Variants in FAM221B observed in about 807,000 individuals in gnomAD.
The protein encoded by FAM221B is protein FAM221B.
FAM221B carries 35 observed loss-of-function variants against 39.8 expected under a neutral mutation model. That is an observed-to-expected ratio of 0.88 (90% CI 0.67 to 1.17). The LOEUF is 1.17. FAM221B is among the 50% of genes most tolerant of loss of function. The pLI, the probability that FAM221B is intolerant of heterozygous loss-of-function variation, is 0.00. For missense variants in FAM221B, 479 were observed against 503.1 expected (o/e 0.95, Z 0.46); for synonymous variants, 158 against 178.1 (o/e 0.89, Z 0.90).
At chr9:35,821,230 G>A (rs1409621816) in intron 3 of FAM221B, among the ~76,000 whole-genome samples, 2 of 152,182 alleles carry the variant, frequency 1.3e-5, no homozygotes, top group African/African-American at 4.8e-5. Flanking sequence ...CCTAGCACAA[G>A]GCCTGGCACA....
intron 6 of FAM221B, 121 bp from the exon 7 acceptor site, chr9:35,818,627 G>T: frequency 9.1e-7 from 1 of 1,093,890 alleles, no homozygotes; most frequent in Non-Finnish European, 1.4e-6. Flanking sequence ...GAAGGCCAGA[G>T]GGCCCCTGTA....
intron 1 of FAM221B, among the ~76,000 whole-genome samples, chr9:35,827,392 T>C (rs1829411152): frequency 6.6e-6 from 1 of 152,196 alleles, no homozygotes; most frequent in South Asian, 2.1e-4. Context: ...ACTTATACTT[T>C]TACAATGAGC....
At chr9:35,821,350 A>G (rs1444900799) in intron 3 of FAM221B, 21 of 987,504 alleles carry the variant, frequency 2.1e-5, no homozygotes, top group Non-Finnish European at 3.0e-5. Context: ...CATAACATGA[A>G]TAAGGAGAGT....
intron 3 of FAM221B, among the ~76,000 whole-genome samples, chr9:35,824,704 C>G: frequency 7.1e-6 from 1 of 141,756 alleles, no homozygotes; most frequent in Non-Finnish European, 1.5e-5. Context: ...TTTTTTGAGA[C>G]GGAGTCTCGC....
chr9:35,820,748 G>C (rs1252350550), intron 3 of FAM221B, among the ~76,000 whole-genome samples: 4 of 152,208 alleles, frequency 2.6e-5, no homozygotes, highest in African/African-American at 9.6e-5. Flanking sequence ...GGAAAGGAAA[G>C]TGAGGCTAAG....
In FAM221B at chr9:35,825,811, A is replaced by G. The variant is rs1356683228; in HGVS notation, c.351T>C (p.Cys117=). ...CCTTCAGAGTATCAGAAGAAGACAGACAGACATAGTCTCGTGATTGGGGAG... is the reference window on the plus strand; with the variant it reads ...CCTTCAGAGTATCAGAAGAAGACAGGCAGACATAGTCTCGTGATTGGGGAG... The part of the protein sequence containing the change: ...TLPPQSRDYV[C]LSSSDTLKED... The change falls in exon 2 of 7, where the codon TGT becomes TGC. Residue 117 remains cysteine (C), a synonymous_variant. Transcript: ENST00000423537. This position sits in a 1 kb window ranked among gnomAD's most constrained non-coding sequence, Gnocchi z 4.2. 16 of 1,614,208 alleles carry G rather than the reference A, an allele frequency of 9.9e-6. No individual in the cohort carries two copies. The highest frequency in any genetic ancestry group is 1.1e-5 in the Non-Finnish European group (13 of 1,180,032).
At chr9:35,822,086 C>G (rs1829163870) in intron 3 of FAM221B, among the ~76,000 whole-genome samples, 1 of 152,204 alleles carries the variant, frequency 6.6e-6, no homozygotes, top group South Asian at 2.1e-4. Flanking sequence ...GCCTAGCCCT[C>G]TCTCCTGAGC....
In FAM221B at chr9:35,818,435, A is replaced by G. The variant is rs372748150; in HGVS notation, c.*34T>C. 373 of 1,550,108 alleles carry G rather than the reference A, an allele frequency of 2.4e-4. 1 individual carries two copies. Among genetic ancestry groups the G allele is most frequent in the Middle Eastern group, 3.3e-4 (2 of 6,014 alleles). ...CCATATAGAGCCAAGTCAGGTTCCA[A>G]TGACTCCTCTTTTATTGCTGATCTG... On this transcript the variant is annotated 3_prime_UTR_variant, in exon 7 of 7. Coordinates refer to ENST00000423537, the MANE Select transcript of FAM221B (RefSeq NM_001012446.4).
chr9:35,823,782 A>G (rs1829208231), intron 3 of FAM221B, among the ~76,000 whole-genome samples: 1 of 151,994 alleles, frequency 6.6e-6, no homozygotes, highest in Admixed American at 6.6e-5. Context: ...TGCCCACCTC[A>G]GCCTACTAAG....
Position 35,825,993 on chromosome 9 carries a change from G to A in FAM221B, c.169C>T (p.Pro57Ser), listed in dbSNP as rs768943210. ...TPLEPHTSES[P>S]LVPSPSQIPL... ...ATCTGGGAAGGGGATGGCACCAAAGGGGATTCAGAGGTATGGGGCTCTAAC... is the reference window on the plus strand; with the variant it reads ...ATCTGGGAAGGGGATGGCACCAAAGAGGATTCAGAGGTATGGGGCTCTAAC... Residue 57 changes from proline (P) to serine (S), a missense_variant, in exon 2 of 7, where the codon CCT (proline) becomes TCT (serine). Transcript: ENST00000423537. This position sits in a 1 kb window ranked among gnomAD's most constrained non-coding sequence, Gnocchi z 4.2. 1 of 1,614,114 alleles carries A rather than the reference G, an allele frequency of 6.2e-7. No homozygotes were observed. Among genetic ancestry groups the A allele is most frequent in the African/African-American group, 1.3e-5 (1 of 75,030 alleles).
At chr9:35,821,752 A>G in intron 3 of FAM221B, 1 of 483,224 alleles carries the variant, frequency 2.1e-6, no homozygotes, top group South Asian at 1.9e-5. Context: ...CATTCAGATG[A>G]AGAAGACTGG....
At chr9:35,824,972 C>T (rs924916597) in intron 3 of FAM221B, among the ~76,000 whole-genome samples, 1 of 152,182 alleles carries the variant, frequency 6.6e-6, no homozygotes, top group African/African-American at 2.4e-5. Flanking sequence ...TGAGCCACCG[C>T]GCCCAGCCGA....
Position 35,825,285 on chromosome 9 carries a change from T to C in FAM221B, c.687A>G (p.Gln229=). ...KAMHREEFGA[Q]VNNLFQWEKD... The stretch of plus-strand genomic sequence containing the variant: ...TCTCCCACTGGAAAAGATTGTTCAC[T>C]TGAGCACCAAACTCCTCTCTATGCA... The change falls in exon 3 of 7, where the codon CAA becomes CAG. Residue 229 remains glutamine (Q), a synonymous_variant. Transcript: ENST00000423537. The surrounding 1 kb of genome is among the most constrained non-coding windows in gnomAD (Gnocchi z 4.2). 6.2e-7 allele frequency: 1 copy of C among 1,614,250 alleles called. No individual in the cohort carries two copies. Among genetic ancestry groups the C allele is most frequent in the Non-Finnish European group, 8.5e-7 (1 of 1,180,042 alleles).
chr9:35,828,663 G>A lies in FAM221B; in HGVS notation c.-201C>T. On this transcript the variant is annotated 5_prime_UTR_variant, in exon 1 of 7. Coordinates refer to ENST00000423537, the MANE Select transcript of FAM221B (RefSeq NM_001012446.4). The surrounding 1 kb of genome is among the most constrained non-coding windows in gnomAD (Gnocchi z 4.5). ...TGGATATCTGCAGAACTTCGCAAAG[G>A]AGCTCTGGCATGACCTGGGGAAGTG... 2 of 985,532 alleles carry A rather than the reference G, an allele frequency of 2.0e-6. No homozygotes were observed. The highest frequency in any genetic ancestry group is 2.4e-6 in the Non-Finnish European group (2 of 830,004). 61.0% of individuals were successfully genotyped at this position (985,532 alleles called of 1,614,324 possible).
At chr9:35,822,922 T>A (rs879834686) in intron 3 of FAM221B, among the ~76,000 whole-genome samples, 2 of 152,172 alleles carry the variant, frequency 1.3e-5, no homozygotes, top group Non-Finnish European at 1.5e-5. Flanking sequence ...CTTAAAACCT[T>A]CTAGTGACTC....
In FAM221B at chr9:35,828,641, A is replaced by G; in HGVS notation, c.-179T>C. 1.0e-6 allele frequency: 1 copy of G among 985,568 alleles called. No homozygotes were observed. 61.1% of individuals were successfully genotyped at this position (985,568 alleles called of 1,614,324 possible). A position where few individuals can be genotyped will look rare whatever the true frequency, so the allele number is the denominator to read the frequency against. ...TCTGCTATCTGGGAAGGGGACTTGG[A>G]TATCTGCAGAACTTCGCAAAGGAGC... On this transcript the variant is annotated 5_prime_UTR_variant, in exon 1 of 7. Coordinates refer to ENST00000423537, the MANE Select transcript of FAM221B (RefSeq NM_001012446.4). This position sits in a 1 kb window ranked among gnomAD's most constrained non-coding sequence, Gnocchi z 4.5.
chr9:35,820,068 C>G (rs1003712765), intron 3 of FAM221B, 68 bp from the exon 4 acceptor site: 25 of 1,144,276 alleles, frequency 2.2e-5, no homozygotes, highest in East Asian at 4.8e-5. Context: ...TCTTACCTAT[C>G]CCTTGATGGA....
chr9:35,820,646 A>G (rs1829129489), intron 3 of FAM221B, among the ~76,000 whole-genome samples: 1 of 152,170 alleles, frequency 6.6e-6, no homozygotes, highest in African/African-American at 2.4e-5. Flanking sequence ...GGGCTGCCAA[A>G]GGTTCTTCAA....
chr9:35,821,782 G>A (rs1218461589), intron 3 of FAM221B, among the ~76,000 whole-genome samples: 9 of 152,192 alleles, frequency 5.9e-5, no homozygotes, highest in Non-Finnish European at 1.3e-4. Flanking sequence ...AGGGAGACTG[G>A]CAACTATACT....
Sources: allele counts gnomAD v4.1 joint callset (sites outside exome capture counted in the v4.1 genomes callset), GRCh38; gene constraint gnomAD v4.1.1; non-coding constraint Gnocchi (gnomAD v3.1); transcripts MANE v1.5; gene names NCBI Gene and HGNC (gene_info 2026-07-23, HGNC 2026-07-21).